The following CTNNA2 variants were observed in gnomAD, a reference collection of about 807,000 sequenced individuals.
CTNNA2 encodes catenin alpha 2.
In CTNNA2, 42 loss-of-function variants were observed where a neutral mutation model predicts 101.0. That is an observed-to-expected ratio of 0.42 (90% CI 0.32 to 0.54). The LOEUF is 0.54. Among genes scored for constraint, CTNNA2 ranks in the 20% least tolerant of loss-of-function variants. CTNNA2 has a pLI of 0.14. For synonymous variants in CTNNA2, 450 were observed against 456.4 expected, an observed-to-expected ratio of 0.99 and a Z score of 0.18; for missense variants, 871 against 1,223.1, an observed-to-expected ratio of 0.71 and a Z score of 4.29.
chr2:80,440,776 CAT>C (rs1226258302), intron 9 of CTNNA2, among the ~76,000 whole-genome samples: 1 of 152,164 alleles, frequency 6.6e-6, no homozygotes, highest in Non-Finnish European at 1.5e-5. Context: ...TATCCTGTGA[CAT>C]AAAATTCCAC....
intron 2 of CTNNA2, among the ~76,000 whole-genome samples, chr2:79,201,078 TA>T (rs1215555171): frequency 2.0e-5 from 3 of 151,808 alleles, no homozygotes; most frequent in Non-Finnish European, 2.9e-5. Flanking sequence ...GTAATCAAAA[TA>T]AAACATTTCC....
At chr2:79,233,165 C>A (rs925710516) in intron 2 of CTNNA2, among the ~76,000 whole-genome samples, 3 of 152,040 alleles carry the variant, frequency 2.0e-5, no homozygotes, top group African/African-American at 7.2e-5. Flanking sequence ...AATTTGAGAA[C>A]TTTCTAACCT....
chr2:80,011,565 G>A (rs991271972), intron 7 of CTNNA2, among the ~76,000 whole-genome samples: 1 of 146,904 alleles, frequency 6.8e-6, no homozygotes, highest in Admixed American at 6.9e-5. Context: ...AGTTCTGCCA[G>A]GAACTAGGGA....
At chr2:80,529,961 T>G (rs1389839611) in intron 9 of CTNNA2, among the ~76,000 whole-genome samples, 1 of 152,074 alleles carries the variant, frequency 6.6e-6, no homozygotes, top group Non-Finnish European at 1.5e-5. Flanking sequence ...GTTACAAGCA[T>G]AACTTTGGCT....
chr2:80,642,221 C>A (rs1217464696), intron 18 of CTNNA2, among the ~76,000 whole-genome samples: 2 of 152,150 alleles, frequency 1.3e-5, no homozygotes, highest in Admixed American at 1.3e-4. Context: ...CAGTCACCAA[C>A]AACCTCTTAT....
chr2:80,094,736 G>T (rs1700036622), intron 7 of CTNNA2, among the ~76,000 whole-genome samples: 1 of 152,066 alleles, frequency 6.6e-6, no homozygotes, highest in Non-Finnish European at 1.5e-5. Context: ...CTTGTAAGTT[G>T]GATTCCTAGG....
chr2:80,439,032 A>G (rs988702188), intron 9 of CTNNA2, among the ~76,000 whole-genome samples: 2 of 152,190 alleles, frequency 1.3e-5, no homozygotes, highest in Admixed American at 6.5e-5. Context: ...TCTCTTTTTG[A>G]TAATAAAATA....
chr2:80,175,185 C>T (rs1466406955), intron 7 of CTNNA2, among the ~76,000 whole-genome samples: 1 of 152,128 alleles, frequency 6.6e-6, no homozygotes, highest in Non-Finnish European at 1.5e-5. Context: ...CTTCCCTGTG[C>T]CTGGAATACT....
At chr2:79,734,355 G>T (rs1361513604) in intron 2 of CTNNA2, among the ~76,000 whole-genome samples, 3 of 151,954 alleles carry the variant, frequency 2.0e-5, no homozygotes, top group Non-Finnish European at 2.9e-5. Context: ...TCTTTTCATT[G>T]CTTGGTTTAT....
At chr2:80,408,990 A>C (rs1679310405) in intron 8 of CTNNA2, among the ~76,000 whole-genome samples, 1 of 152,146 alleles carries the variant, frequency 6.6e-6, no homozygotes, top group African/African-American at 2.4e-5. Context: ...CAAATGAAAC[A>C]ATGTCTAGGA....
At chr2:80,490,280 A>ACCC (rs138977108) in intron 9 of CTNNA2, among the ~76,000 whole-genome samples, 98 of 55,788 alleles carry the variant, frequency 1.8e-3, no homozygotes, top group African/African-American at 4.6e-3. Context: ...TTCCCCCCCC[A>ACCC]CCCCCCCCCC....
chr2:80,064,660 T>C (rs891874302), intron 7 of CTNNA2, among the ~76,000 whole-genome samples: 4 of 152,208 alleles, frequency 2.6e-5, no homozygotes, highest in Non-Finnish European at 5.9e-5. Flanking sequence ...CCATGTGGTT[T>C]CCACACCAGG....
intron 9 of CTNNA2, among the ~76,000 whole-genome samples, chr2:80,461,910 A>G (rs1279029925): frequency 6.6e-6 from 1 of 152,204 alleles, no homozygotes; most frequent in Non-Finnish European, 1.5e-5. Context: ...AGCTCCAGCT[A>G]TGCAAGTTGT....
intron 7 of CTNNA2, among the ~76,000 whole-genome samples, chr2:80,296,865 G>A (rs1037362085): frequency 6.6e-6 from 1 of 152,154 alleles, no homozygotes; most frequent in Non-Finnish European, 1.5e-5. Context: ...ACACAAACAA[G>A]TAAATGTCTA....
At chr2:80,621,005 G>A (rs187280362) in intron 18 of CTNNA2, among the ~76,000 whole-genome samples, 5 of 152,004 alleles carry the variant, frequency 3.3e-5, no homozygotes, top group African/African-American at 1.2e-4. Context: ...TGTATTAAAA[G>A]TTTAATTTTA....
At chr2:79,680,460 G>T (rs776973238) in intron 2 of CTNNA2, among the ~76,000 whole-genome samples, 1 of 151,754 alleles carries the variant, frequency 6.6e-6, no homozygotes, top group Non-Finnish European at 1.5e-5. Context: ...TCACAGAGGT[G>T]TCAAAAAAAT....
At chr2:79,536,829 G>A (rs1389343352) in intron 1 of CTNNA2, among the ~76,000 whole-genome samples, 1 of 152,026 alleles carries the variant, frequency 6.6e-6, no homozygotes, top group Non-Finnish European at 1.5e-5. Flanking sequence ...AGCCTCCCGA[G>A]TAGCTGGTGT....
chr2:79,486,930 A>G (rs1359537453), intron 4 of CTNNA2, among the ~76,000 whole-genome samples: 1 of 152,252 alleles, frequency 6.6e-6, no homozygotes, highest in Non-Finnish European at 1.5e-5. Context: ...CAATACCAAG[A>G]AAAACTACTT....
chr2:80,574,020 G>T, intron 12 of CTNNA2, 143 bp from the exon 13 acceptor site: 2 of 713,456 alleles, frequency 2.8e-6, no homozygotes, highest in Non-Finnish European at 4.7e-6. Context: ...TACTAAATTG[G>T]GCTCACTTCA....
Sources: gnomAD v4.1 joint callset for allele counts (sites outside exome capture counted in the v4.1 genomes callset) on GRCh38, gnomAD v4.1.1 for gene constraint, MANE v1.5 for transcripts, NCBI Gene and HGNC (gene_info 2026-07-23, HGNC 2026-07-21) for gene names.